Variants in LIN7A observed in about 807,000 individuals in gnomAD.
LIN7A encodes lin-7 cell polarity scaffold A, also known as protein lin-7 homolog A.
A neutral mutation model predicts 29.8 loss-of-function variants in LIN7A; 25 were observed. That is an observed-to-expected ratio of 0.84 (90% CI 0.61 to 1.17). The LOEUF is 1.17. Among genes scored for constraint, LIN7A ranks in the 50% most tolerant of loss-of-function variants. The pLI, the probability that LIN7A is intolerant of heterozygous loss-of-function variation, is 0.00. For missense variants in LIN7A, 239 were observed against 287.0 expected, an observed-to-expected ratio of 0.83 and a Z score of 1.21; for synonymous variants, 118 against 107.5, an observed-to-expected ratio of 1.10 and a Z score of -0.60.
chr12:80,895,527 A>G (rs1227886803), intron 1 of LIN7A, among the ~76,000 whole-genome samples: 1 of 152,242 alleles, frequency 6.6e-6, no homozygotes, highest in East Asian at 1.9e-4. Context: ...CAAGCTAACA[A>G]TATGAATTAT....
chr12:80,921,666 C>T (rs2120879095), intron 1 of LIN7A, among the ~76,000 whole-genome samples: 1 of 152,138 alleles, frequency 6.6e-6, no homozygotes, highest in Admixed American at 6.5e-5. Flanking sequence ...CTCCTAAAAG[C>T]CCACCTCAAG....
Position 80,811,831 on chromosome 12 carries a change from A to G in LIN7A, c.484-148T>C. 11 of 940,982 alleles carry G rather than the reference A, an allele frequency of 1.2e-5. No individual in the cohort carries two copies. In the South Asian group the frequency reaches 2.0e-4, roughly 17 times the overall value. 58.3% of individuals were successfully genotyped at this position (940,982 alleles called of 1,614,324 possible). A position where few individuals can be genotyped will look rare whatever the true frequency, so the allele number is the denominator to read the frequency against. Reference sequence around the variant, plus strand: ...GAGTTATCTTACCATCATCGTTATTATTTATTACATTGTGGTTAAACTATA... The same window carrying G: ...GAGTTATCTTACCATCATCGTTATTGTTTATTACATTGTGGTTAAACTATA... On this transcript the variant is annotated intron_variant, in intron 4 of 5. Coordinates refer to ENST00000552864, the MANE Select transcript of LIN7A (RefSeq NM_004664.4).
At chr12:80,844,174 C>T (rs1158241248) in intron 4 of LIN7A, among the ~76,000 whole-genome samples, 1 of 151,960 alleles carries the variant, frequency 6.6e-6, no homozygotes, top group African/African-American at 2.4e-5. Context: ...GAGTCCTCTA[C>T]CAGAAAGTTA....
chr12:80,842,568 C>A lies in LIN7A; in HGVS notation c.483+3162G>T, dbSNP rs148135423. ...TCCTGAAATTGTACCTTATTTAAAG[C>A]CAAAAATATAAATCATTCAATCATT... is the stretch of plus-strand genomic sequence containing the variant. On this transcript the variant is annotated intron_variant, in intron 4 of 5. Transcript: ENST00000552864. Among the ~76,000 whole-genome samples the A allele has an allele frequency of 8.6e-3, 1,311 of 152,156 alleles. 16 individuals carry two copies. Among genetic ancestry groups the A allele is most frequent in the African/African-American group, 0.024 (981 of 41,560 alleles).
intron 2 of LIN7A, among the ~76,000 whole-genome samples, chr12:80,879,855 A>G (rs1592919700): frequency 6.6e-6 from 1 of 152,274 alleles, no homozygotes. Context: ...ACGTTTATCA[A>G]GACACCTGAG....
chr12:80,837,242 T>C (rs919752886), intron 4 of LIN7A, among the ~76,000 whole-genome samples: 2 of 152,214 alleles, frequency 1.3e-5, no homozygotes, highest in Admixed American at 6.5e-5. Context: ...GACTGGATAA[T>C]TTCTCAAAGA....
intron 1 of LIN7A, among the ~76,000 whole-genome samples, chr12:80,913,217 A>T (rs1402347): frequency 0.1 from 15,255 of 152,268 alleles, 830 homozygotes; most frequent in East Asian, 0.13. Context: ...ACCATAAATT[A>T]ACAGGTATTA....
At chr12:80,924,412 G>C (rs184714298) in intron 1 of LIN7A, among the ~76,000 whole-genome samples, 1 of 152,182 alleles carries the variant, frequency 6.6e-6, no homozygotes, top group South Asian at 2.1e-4. Flanking sequence ...AGAAGAGGTG[G>C]AGAATAAAAT....
At chr12:80,933,484 G>A (rs1183637632) in intron 1 of LIN7A, among the ~76,000 whole-genome samples, 2 of 152,102 alleles carry the variant, frequency 1.3e-5, no homozygotes, top group Admixed American at 6.6e-5. Context: ...AGCCTTCCTC[G>A]ACCAATGCTA....
chr12:80,916,495 C>T lies in LIN7A; in HGVS notation c.82+21146G>A, dbSNP rs7295614. ...AAGGCATTTACACTTGCTGTTTCCT[C>T]TGACTGGGCCATGCTTCTCCAATTA... On this transcript the variant is annotated intron_variant, in intron 1 of 5. Transcript: ENST00000552864. Among the ~76,000 whole-genome samples, 1,060 of 152,266 alleles carry T rather than the reference C, an allele frequency of 7.0e-3. 16 individuals carry two copies. The highest frequency in any genetic ancestry group is 0.024 in the African/African-American group (994 of 41,564).
chr12:80,807,063 G>GTTTTTTTTTGT (rs374349839), intron 5 of LIN7A, among the ~76,000 whole-genome samples: 15 of 53,576 alleles, frequency 2.8e-4, no homozygotes, highest in African/African-American at 1.3e-3. Context: ...TGAAGATGGA[G>GTTTTTTTTTGT]TTTTTTTTTT....
chr12:80,837,802 G>A (rs1004075620), intron 4 of LIN7A, among the ~76,000 whole-genome samples: 2 of 151,962 alleles, frequency 1.3e-5, no homozygotes, highest in Non-Finnish European at 2.9e-5. Context: ...TGATGGATAT[G>A]TTACATTTAT....
chr12:80,835,983 CA>C (rs911437237), intron 4 of LIN7A, among the ~76,000 whole-genome samples: 3 of 151,458 alleles, frequency 2.0e-5, no homozygotes, highest in African/African-American at 7.3e-5. Flanking sequence ...AATTTCAATA[CA>C]AAAAATAATA....
chr12:80,802,360 T>C (rs1870762331), intron 5 of LIN7A, among the ~76,000 whole-genome samples: 1 of 152,200 alleles, frequency 6.6e-6, no homozygotes, highest in Non-Finnish European at 1.5e-5. Flanking sequence ...TGTATGTCTA[T>C]TTAGCTGAAG....
At chr12:80,832,750 T>C in intron 4 of LIN7A, 2 of 405,290 alleles carry the variant, frequency 4.9e-6, no homozygotes, top group South Asian at 3.6e-5. Context: ...TGGCATAGTG[T>C]ACAATGTGTG....
At chr12:80,861,103 T>G (rs1475980362) in intron 2 of LIN7A, 2 of 152,962 alleles carry the variant, frequency 1.3e-5, no homozygotes, top group Non-Finnish European at 2.9e-5. Flanking sequence ...AGAGGCAGCT[T>G]TCTCTCTGGG....
At chr12:80,838,138 C>T (rs572897656) in intron 4 of LIN7A, among the ~76,000 whole-genome samples, 99 of 152,254 alleles carry the variant, frequency 6.5e-4, no homozygotes, top group African/African-American at 2.4e-3. Flanking sequence ...CAGTCTGATC[C>T]CATGTGTGGG....
intron 1 of LIN7A, among the ~76,000 whole-genome samples, chr12:80,912,412 C>A (rs116509733): frequency 6.6e-6 from 1 of 151,932 alleles, no homozygotes; most frequent in Non-Finnish European, 1.5e-5. Context: ...AATCATAGAT[C>A]TCCTTTTAAA....
At position 80,799,964 on chromosome 12, in the gene LIN7A, T is replaced by C. The variant is rs563151602; in HGVS notation, c.*1-2238A>G. ...GAATTTAAGTCCAGCCTAGGCAACA[T>C]AGCAAGACCCTTCATCTCGAAAAAA... On this transcript the variant is annotated intron_variant, in intron 5 of 5. Transcript: ENST00000552864. 7.9e-5 allele frequency among the ~76,000 whole-genome samples: 12 copies of C among 151,920 alleles called. No individual in the cohort carries two copies. The South Asian group carries it at 2.3e-3, about 29-fold the overall frequency.
Sources: gnomAD v4.1 joint callset for allele counts (sites outside exome capture counted in the v4.1 genomes callset) on GRCh38, gnomAD v4.1.1 for gene constraint, MANE v1.5 for transcripts, NCBI Gene and HGNC (gene_info 2026-07-23, HGNC 2026-07-21) for gene names.